Variants in NAV1 observed in about 807,000 individuals in gnomAD.
NAV1 encodes the protein neuron navigator 1, also known as pore membrane and/or filament interacting like protein 3.
A neutral mutation model predicts 175.2 loss-of-function variants in NAV1; 18 were observed. The ratio of observed to expected loss-of-function variants is 0.10; its 90% confidence interval spans 0.07 to 0.15. NAV1 has a LOEUF of 0.15. NAV1 is among the 10% of genes least tolerant of loss of function. NAV1 has a pLI of 1.00. For synonymous variants in NAV1, 897 were observed against 978.7 expected (o/e 0.92, Z 1.56); for missense variants, 1,731 against 2,436.6 (o/e 0.71, Z 6.10).
chr1:201,584,229 C>T lies in NAV1; in HGVS notation c.-143-4310C>T, dbSNP rs138104327. ...CTGGAGGACTCTAGATTCAAACCCA[C>T]ATTTATGAGACTGTAAAACCATTGC... On this transcript the variant is annotated intron_variant, in intron 1 of 33. Coordinates refer to the NAV1 transcript ENST00000685211. 4.3e-3 allele frequency among the ~76,000 whole-genome samples: 656 copies of T among 152,350 alleles called. 3 individuals carry two copies. The highest frequency in any genetic ancestry group is 6.9e-3 in the Non-Finnish European group (468 of 68,036).
intron 1 of NAV1, among the ~76,000 whole-genome samples, chr1:201,689,811 C>T (rs1343737094): frequency 6.6e-6 from 1 of 152,208 alleles, no homozygotes; most frequent in South Asian, 2.1e-4. Context: ...GGTGGAAGCT[C>T]TCCTAGGGGC....
intron 2 of NAV1, among the ~76,000 whole-genome samples, chr1:201,594,070 C>A (rs1382399426): frequency 7.5e-6 from 1 of 133,820 alleles, no homozygotes; most frequent in African/African-American, 3.1e-5. Context: ...AAGGGAGTGG[C>A]ACTTTTTTTT....
chr1:201,562,167 G>A (rs1666219990), intron 1 of NAV1, among the ~76,000 whole-genome samples: 1 of 112,790 alleles, frequency 8.9e-6, no homozygotes, highest in South Asian at 3.1e-4. Context: ...ACCTTGCCTG[G>A]CTAATTTTTT....
chr1:201,577,886 C>A (rs1666739979), intron 1 of NAV1, among the ~76,000 whole-genome samples: 1 of 152,152 alleles, frequency 6.6e-6, no homozygotes, highest in Non-Finnish European at 1.5e-5. Flanking sequence ...CCCTTTCCAC[C>A]TGTAGATTAA....
intron 1 of NAV1, among the ~76,000 whole-genome samples, chr1:201,554,777 C>A (rs1211120114): frequency 2.0e-5 from 3 of 152,158 alleles, no homozygotes; most frequent in African/African-American, 7.2e-5. Flanking sequence ...CTAGGGCTGC[C>A]ATAACAAAGT....
chr1:201,682,326 C>A (rs1278688155), intron 1 of NAV1, among the ~76,000 whole-genome samples: 3 of 152,090 alleles, frequency 2.0e-5, no homozygotes, highest in Non-Finnish European at 4.4e-5. Flanking sequence ...CCCATGGTCC[C>A]CCACCCCTAC....
chr1:201,722,469 G>C (rs909791665), intron 3 of NAV1, among the ~76,000 whole-genome samples: 4 of 152,180 alleles, frequency 2.6e-5, no homozygotes, highest in African/African-American at 9.7e-5. Flanking sequence ...ACTCTATTCT[G>C]TTGTAGGTAT....
At chr1:201,642,525 T>TTTTTCTTTCTTTCTTTCTTTC (rs1553247053) in intron 2 of NAV1, among the ~76,000 whole-genome samples, 9 of 100,304 alleles carry the variant, frequency 9.0e-5, no homozygotes, top group African/African-American at 3.9e-4. Flanking sequence ...TTCTTTCTTT[T>TTTTTCTTTCTTTCTTTCTTTC]TTTCTTTCTT....
upstream of NAV1, among the ~76,000 whole-genome samples, chr1:201,621,814 T>C (rs143022623): frequency 6.6e-6 from 1 of 152,368 alleles, no homozygotes; most frequent in African/African-American, 2.4e-5. Context: ...TTCATGCATG[T>C]GTTCTGAACA....
chr1:201,574,352 T>C (rs1281345571), intron 1 of NAV1, among the ~76,000 whole-genome samples: 1 of 151,948 alleles, frequency 6.6e-6, no homozygotes, highest in Admixed American at 6.6e-5. Flanking sequence ...GTGGAGCAGG[T>C]GGCATGAGAA....
Position 201,702,676 on chromosome 1 carries a change from CTCTCTCTCTCTCTCT to C in NAV1, c.758-10140_758-10126del, listed in dbSNP as rs1671479043. On this transcript the variant is annotated intron_variant, in intron 1 of 29. Coordinates refer to ENST00000367296, the Ensembl canonical transcript of NAV1. ...GGGTGAATTTTGGTATGTGAATTCTCTCTCTCTCTCTCTCTCTCTCTCTCTCTCTCTCTCTCTCTC... is the reference window on the plus strand; with the variant it reads ...GGGTGAATTTTGGTATGTGAATTCTCCTCTCTCTCTCTCTCTCTCTCTCTC... Among the ~76,000 whole-genome samples the C allele has an allele frequency of 6.4e-4, 80 of 125,746 alleles. 3 individuals carry two copies. Among genetic ancestry groups the C allele is most frequent in the African/African-American group, 1.7e-3 (51 of 30,744 alleles). 82.5% of individuals were successfully genotyped at this position (125,746 alleles called of 152,430 possible).
At chr1:201,767,180 A>G (rs1675260993) in intron 3 of NAV1, among the ~76,000 whole-genome samples, 1 of 146,472 alleles carries the variant, frequency 6.8e-6, no homozygotes, top group Non-Finnish European at 1.5e-5. Flanking sequence ...AAGGCCAGGC[A>G]TGGTGGCTCA....
At chr1:201,704,953 A>G (rs981309) in intron 1 of NAV1, among the ~76,000 whole-genome samples, 113,535 of 152,146 alleles carry the variant, frequency 0.75, 43,502 homozygotes, top group Admixed American at 0.86. Flanking sequence ...TCCCACAGCT[A>G]AGTCATGTGT....
chr1:201,797,454 G>A (rs935172233), intron 15 of NAV1: 2 of 152,166 alleles, frequency 1.3e-5, no homozygotes, highest in Admixed American at 6.5e-5. Flanking sequence ...TGGGAAGTGT[G>A]AGTCCTCCAA....
chr1:201,706,265 G>GTC (rs932904865), intron 1 of NAV1, among the ~76,000 whole-genome samples: 3 of 150,698 alleles, frequency 2.0e-5, no homozygotes, highest in African/African-American at 7.5e-5. Flanking sequence ...GTGTGTGTGT[G>GTC]TGTGTGTGTG....
chr1:201,702,930 G>A (rs1671500509), intron 1 of NAV1, among the ~76,000 whole-genome samples: 1 of 152,156 alleles, frequency 6.6e-6, no homozygotes, highest in South Asian at 2.1e-4. Context: ...GATTAAATGG[G>A]CTAATATACA....
intron 2 of NAV1, among the ~76,000 whole-genome samples, chr1:201,616,533 G>C (rs1028439439): frequency 7.2e-5 from 11 of 152,052 alleles, no homozygotes; most frequent in African/African-American, 2.7e-4. Flanking sequence ...TGTTGCCCAG[G>C]CTGGAGTGCA....
chr1:201,629,696 C>A (rs1668432041), intron 2 of NAV1, among the ~76,000 whole-genome samples, 189 bp downstream of exon 4: 1 of 152,174 alleles, frequency 6.6e-6, no homozygotes, highest in Non-Finnish European at 1.5e-5. Context: ...AACCCAGGAG[C>A]CTTTTAGGGG....
At chr1:201,800,192 G>A (rs1409361276) in intron 15 of NAV1, among the ~76,000 whole-genome samples, 1 of 152,058 alleles carries the variant, frequency 6.6e-6, no homozygotes, top group Non-Finnish European at 1.5e-5. Flanking sequence ...GTAGAGATGG[G>A]GTTTGGCTAT....
Sources: gnomAD v4.1 joint callset for allele counts (sites outside exome capture counted in the v4.1 genomes callset) on GRCh38, gnomAD v4.1.1 for gene constraint, MANE v1.5 for transcripts, NCBI Gene and HGNC (gene_info 2026-07-23, HGNC 2026-07-21) for gene names.